The following CEP192 variants were observed in gnomAD, a reference collection of about 807,000 sequenced individuals.
The protein encoded by CEP192 is centrosomal protein 192.
CEP192 carries 151 observed loss-of-function variants against 271.8 expected under a neutral mutation model. The observed-to-expected ratio is 0.56, with a 90% CI of 0.49 to 0.64. The LOEUF (loss-of-function observed/expected upper bound fraction) is 0.64. Among genes scored for constraint, CEP192 ranks in the 30% least tolerant of loss-of-function variants. CEP192 has a pLI of 0.00. For missense variants in CEP192, 2,910 were observed against 3,020.5 expected (o/e 0.96, Z 0.86); for synonymous variants, 995 against 1,076.5 (o/e 0.92, Z 1.48).
chr18:13,036,199 C>A (rs2035907866), intron 11 of CEP192, among the ~76,000 whole-genome samples: 1 of 151,710 alleles, frequency 6.6e-6, no homozygotes, highest in South Asian at 2.1e-4. Flanking sequence ...GGTCACTTAA[C>A]AAGGTAAAGA....
At position 13,056,159 on chromosome 18, in the gene CEP192, A is replaced by G. The variant is rs1221484820; in HGVS notation, c.3569A>G (p.Gln1190Arg). Residue 1190 changes from glutamine (Q) to arginine (R), a missense_variant, in exon 19 of 45, where the codon CAG becomes CGG. By Grantham distance (43) the Gln-to-Arg change is conservative. Coordinates refer to ENST00000506447, the MANE Select transcript of CEP192 (RefSeq NM_032142.4). ...GCCACATCACACCCTGTGTCCTGCC[A>G]GGAGCCTATAGATGAAGATCAAAGA... ...GSATSHPVSC[Q>R]EPIDEDQRIS... 1.2e-6 allele frequency: 2 copies of G among 1,613,700 alleles called. No homozygotes were observed. Among genetic ancestry groups the G allele is most frequent in the African/African-American group, 2.7e-5 (2 of 74,936 alleles).
intron 17 of CEP192, among the ~76,000 whole-genome samples, chr18:13,050,863 AG>A (rs2144025676): frequency 1.3e-5 from 2 of 152,300 alleles, no homozygotes; most frequent in South Asian, 4.1e-4. Flanking sequence ...TACAGGCATG[AG>A]CCACTGTGCT....
intron 38 of CEP192, among the ~76,000 whole-genome samples, chr18:13,102,824 G>A (rs894424829): frequency 2.6e-5 from 4 of 152,150 alleles, no homozygotes; most frequent in Non-Finnish European, 4.4e-5. Context: ...ATGGCCTGTA[G>A]CCTGTGACTC....
intron 1 of CEP192, among the ~76,000 whole-genome samples, chr18:12,996,198 G>A (rs554175840): frequency 6.4e-4 from 96 of 149,610 alleles, no homozygotes; most frequent in Non-Finnish European, 1.2e-3. Flanking sequence ...CCTGACCAAG[G>A]TCATAGCAGG....
At chr18:13,019,337 T>C (rs8096860) in intron 9 of CEP192, 131 bp downstream of exon 9, 243,601 of 651,054 alleles carry the variant, frequency 0.37, 47,753 homozygotes, top group Admixed American at 0.43. Flanking sequence ...AAGTACTCAC[T>C]ACTGATAATT....
chr18:13,034,852 T>G (rs2035832586), intron 11 of CEP192, among the ~76,000 whole-genome samples: 1 of 150,988 alleles, frequency 6.6e-6, no homozygotes, highest in South Asian at 2.1e-4. Flanking sequence ...TGCCTCCTCT[T>G]CTTCCCCATG....
intron 35 of CEP192, among the ~76,000 whole-genome samples, 189 bp downstream of exon 35, chr18:13,095,870 AC>A (rs1237735470): frequency 6.6e-6 from 1 of 152,156 alleles, no homozygotes; most frequent in Non-Finnish European, 1.5e-5. Flanking sequence ...TCCCAGGGCC[AC>A]ACTCCTCAAT....
chr18:13,044,798 T>A lies in CEP192; in HGVS notation c.2067+2464T>A, dbSNP rs933473182. On this transcript the variant is annotated intron_variant, in intron 15 of 44. Coordinates refer to ENST00000506447, the MANE Select transcript of CEP192 (RefSeq NM_032142.4). ...TCTGGTTTTGGTATCAAGGTTTTAC[T>A]GGTCTCATTTTTTCTGTTTTCAGGA... is the stretch of plus-strand genomic sequence containing the variant. Among the ~76,000 whole-genome samples the A allele has an allele frequency of 9.2e-5, 14 of 152,304 alleles. No homozygotes were observed. The South Asian group carries it at 2.7e-3, about 29-fold the overall frequency.
At chr18:13,098,004 C>G (rs1343362389) in intron 36 of CEP192, among the ~76,000 whole-genome samples, 2 of 152,156 alleles carry the variant, frequency 1.3e-5, no homozygotes, top group African/African-American at 4.8e-5. Context: ...AAGAATTTTT[C>G]TTAGTACAGA....
At chr18:13,016,193 T>C (rs2034636687) in intron 6 of CEP192, among the ~76,000 whole-genome samples, 1 of 152,098 alleles carries the variant, frequency 6.6e-6, no homozygotes, top group South Asian at 2.1e-4. Context: ...TTAACTCTGA[T>C]TGAGGCAGGT....
At chr18:13,077,358 G>C (rs1436768073) in intron 30 of CEP192, among the ~76,000 whole-genome samples, 2 of 152,094 alleles carry the variant, frequency 1.3e-5, no homozygotes, top group Admixed American at 1.3e-4. Flanking sequence ...TTTGGATTTT[G>C]GATTTTTGAA....
intron 40 of CEP192, among the ~76,000 whole-genome samples, chr18:13,109,409 T>C (rs939640180): frequency 1.6e-4 from 24 of 152,288 alleles, no homozygotes; most frequent in African/African-American, 5.8e-4. Context: ...GGAAAAGGGC[T>C]GAAAAATTAA....
In CEP192 at chr18:12,999,626, A is replaced by C. The variant is rs578160286; in HGVS notation, c.164+38A>C. 6.8e-5 allele frequency: 99 copies of C among 1,454,908 alleles called. 1 individual carries two copies. The South Asian group carries it at 1.1e-3, about 17-fold the overall frequency. The allele number at this position is 1,454,908 out of a possible 1,614,324, so 90.1% of individuals were successfully genotyped here. A position where few individuals can be genotyped will look rare whatever the true frequency, so the allele number is the denominator to read the frequency against. ...TGAGCAGATTTTTTTCCAGGTCCATAAAGCCTATAGCATGCTGATATTTAT... is the reference window on the plus strand; with the variant it reads ...TGAGCAGATTTTTTTCCAGGTCCATCAAGCCTATAGCATGCTGATATTTAT... On this transcript the variant is annotated intron_variant, in intron 2 of 44. Coordinates refer to ENST00000506447, the MANE Select transcript of CEP192 (RefSeq NM_032142.4).
At chr18:12,996,032 G>A (rs901981000) in intron 1 of CEP192, among the ~76,000 whole-genome samples, 6 of 152,192 alleles carry the variant, frequency 3.9e-5, no homozygotes, top group African/African-American at 1.4e-4. Flanking sequence ...ATAAGATGGG[G>A]AACCAGTGGA....
chr18:13,086,984 T>G (rs779713120), intron 30 of CEP192, 33 bp from the exon 31 acceptor site: 2 of 1,492,302 alleles, frequency 1.3e-6, no homozygotes, highest in African/African-American at 2.8e-5. Context: ...TGCTTAACAT[T>G]AAAATAATTT....
intron 44 of CEP192, among the ~76,000 whole-genome samples, chr18:13,122,199 G>T (rs2040694986): frequency 6.6e-6 from 1 of 152,226 alleles, no homozygotes; most frequent in African/African-American, 2.4e-5. Flanking sequence ...GGAGGCGGGT[G>T]AATCACGAGG....
intron 11 of CEP192, among the ~76,000 whole-genome samples, chr18:13,032,959 G>A (rs2035718712): frequency 6.6e-6 from 1 of 152,198 alleles, no homozygotes; most frequent in Non-Finnish European, 1.5e-5. Context: ...ATACAGCTGG[G>A]CAATGCACTC....
Position 13,087,613 on chromosome 18 carries a change from G to C in CEP192, c.5960G>C (p.Gly1987Ala). The change falls in exon 32 of 45, where the codon GGT (glycine) becomes GCT (alanine). Residue 1987 changes from glycine (G) to alanine (A), a missense_variant. Gly to Ala is a moderately conservative substitution (Grantham distance 60). Transcript: ENST00000506447. ...ATELSTVYLF[G>A]GDEISRQQYR... ...GAACTATCAACTGTATACTTATTTGGTGGAGATGAAATTTCAAGACAGCAG... is the reference window on the plus strand; with the variant it reads ...GAACTATCAACTGTATACTTATTTGCTGGAGATGAAATTTCAAGACAGCAG... 1 of 1,574,788 alleles carries C rather than the reference G, an allele frequency of 6.4e-7. No individual in the cohort carries two copies. Among genetic ancestry groups the C allele is most frequent in the Non-Finnish European group, 8.6e-7 (1 of 1,159,110 alleles).
intron 4 of CEP192, among the ~76,000 whole-genome samples, chr18:13,008,855 C>G (rs2034149099): frequency 6.6e-6 from 1 of 152,012 alleles, no homozygotes; most frequent in Non-Finnish European, 1.5e-5. Flanking sequence ...TACAGGCACA[C>G]ACCACCATGC....
Sources: allele counts gnomAD v4.1 joint callset (sites outside exome capture counted in the v4.1 genomes callset), GRCh38; gene constraint gnomAD v4.1.1; transcripts MANE v1.5; gene names NCBI Gene and HGNC (gene_info 2026-07-23, HGNC 2026-07-21).